Variants in KCNT1 observed in about 807,000 individuals in gnomAD.
The protein encoded by KCNT1 is potassium sodium-activated channel subfamily T member 1, also known as potassium channel subfamily T member 1.
In KCNT1, 78 loss-of-function variants were observed where a neutral mutation model predicts 147.8. The ratio of observed to expected loss-of-function variants is 0.53; its 90% CI spans 0.44 to 0.64. The LOEUF is 0.64. Among genes scored for constraint, KCNT1 ranks in the 30% least tolerant of loss-of-function variants. The pLI is 0.00. For missense variants in KCNT1, 1,419 were observed against 1,750.3 expected, an observed-to-expected ratio of 0.81 and a Z score of 3.38; for synonymous variants, 867 against 748.8, an observed-to-expected ratio of 1.16 and a Z score of -2.58.
At chr9:135,760,157 G>A (rs1831819051) in intron 11 of KCNT1, among the ~76,000 whole-genome samples, 1 of 152,154 alleles carries the variant, frequency 6.6e-6, no homozygotes. Flanking sequence ...CAGGCAGAGT[G>A]CAGGGAAGGG....
In KCNT1 at chr9:135,795,010, T is replaced by G. The variant is rs1451153155; in HGVS notation, c.*2849T>G. On this transcript the variant is annotated 3_prime_UTR_variant, in exon 31 of 31. Coordinates refer to ENST00000371757, the MANE Select transcript of KCNT1 (RefSeq NM_020822.3). ...CCTAAGAAGTCATCACTGCCTAGAA[T>G]AAGCGAAAAGAATTTTTTTTAATGT... 2.6e-5 allele frequency: 4 copies of G among 152,178 alleles called. No individual in the cohort carries two copies. The highest frequency in any genetic ancestry group is 7.2e-5 in the African/African-American group (3 of 41,422). The allele number at this position is 152,178 out of a possible 1,614,324, so 9.4% of individuals were successfully genotyped here.
At chr9:135,718,516 G>C (rs1237745601) in intron 2 of KCNT1, among the ~76,000 whole-genome samples, 1 of 152,210 alleles carries the variant, frequency 6.6e-6, no homozygotes, top group Non-Finnish European at 1.5e-5. Flanking sequence ...AGGGACCATC[G>C]TGGTGGCCTT....
intron 6 of KCNT1, among the ~76,000 whole-genome samples, chr9:135,755,593 G>A (rs1280975383): frequency 5.4e-5 from 6 of 111,166 alleles, no homozygotes; most frequent in East Asian, 3.0e-4. Context: ...AGGCTCAGTA[G>A]GCAGGGGACC....
chr9:135,771,587 G>A (rs940732829), intron 18 of KCNT1, among the ~76,000 whole-genome samples: 21 of 152,204 alleles, frequency 1.4e-4, no homozygotes, highest in African/African-American at 4.6e-4. Flanking sequence ...TCAAACAGTC[G>A]GGAGTCCTGA....
At chr9:135,702,600 G>C (rs1835076542) in intron 1 of KCNT1, among the ~76,000 whole-genome samples, 1 of 152,142 alleles carries the variant, frequency 6.6e-6, no homozygotes, top group South Asian at 2.1e-4. Flanking sequence ...ATCTGTCCTC[G>C]ACCTGGTAAG....
At chr9:135,773,161 G>A (rs1205228632) in intron 19 of KCNT1, among the ~76,000 whole-genome samples, 1 of 152,228 alleles carries the variant, frequency 6.6e-6, no homozygotes, top group Non-Finnish European at 1.5e-5. Flanking sequence ...GAGCACTTTT[G>A]AGTGTCACTG....
At chr9:135,757,407 G>T (rs1308890672) in intron 9 of KCNT1, 26 bp downstream of exon 9, 9 of 1,592,444 alleles carry the variant, frequency 5.7e-6, no homozygotes, top group Non-Finnish European at 7.7e-6. Context: ...GGGTGCAGCT[G>T]GGACTTGGGG....
intron 2 of KCNT1, among the ~76,000 whole-genome samples, chr9:135,726,823 TTC>T (rs1379200609): frequency 1.1e-5 from 1 of 94,536 alleles, no homozygotes; most frequent in Non-Finnish European, 2.1e-5. Context: ...CTCTTTCCCA[TTC>T]TCTCACTCTC....
intron 29 of KCNT1, chr9:135,789,457 A>C (rs2131594581): frequency 6.6e-6 from 1 of 152,476 alleles, no homozygotes; most frequent in African/African-American, 2.4e-5. Flanking sequence ...CCCATCCCAC[A>C]CACACAGCGG....
chr9:135,770,151 G>T, intron 16 of KCNT1, 96 bp downstream of exon 16: 1 of 1,386,560 alleles, frequency 7.2e-7, no homozygotes, highest in Non-Finnish European at 9.8e-7. Context: ...GGGCTTCCCA[G>T]AGGAGGGGCA....
rs1281401990 is a variant in KCNT1, at chr9:135,772,938, C to T, written c.2232C>T (p.Leu744=). The T allele has an allele frequency of 2.0e-6, 3 of 1,503,064 alleles. No homozygotes were observed. The highest frequency in any genetic ancestry group is 2.2e-5 in the Admixed American group (1 of 44,670). 93.1% of individuals were successfully genotyped at this position (1,503,064 alleles called of 1,614,324 possible). A position where few individuals can be genotyped will look rare whatever the true frequency, so the allele number is the denominator to read the frequency against. ...DEVTPSDDEG[L]SVVEYVKGYP... ...TGACGCCGTCGGACGACGAGGGGCT[C>T]TCCGTGGTAGAGTGAGTGCTGCCTT... is the stretch of plus-strand genomic sequence containing the variant. Residue 744 remains leucine, a synonymous_variant, in exon 19 of 31, where the codon CTC becomes CTT. Transcript: ENST00000371757.
At chr9:135,753,606 C>T (rs1351426121) in intron 4 of KCNT1, 2 of 426,308 alleles carry the variant, frequency 4.7e-6, no homozygotes, top group Admixed American at 3.8e-5. Flanking sequence ...AGCCTGTTGT[C>T]AGCACAGGCA....
intron 1 of KCNT1, among the ~76,000 whole-genome samples, chr9:135,713,186 T>C (rs1362654743): frequency 1.3e-5 from 2 of 152,044 alleles, no homozygotes; most frequent in Non-Finnish European, 2.9e-5. Context: ...AGGCACAAAA[T>C]CAAGAAAATA....
At chr9:135,777,584 GGCCCACC>G in intron 21 of KCNT1, 74 bp downstream of exon 21, 4 of 1,451,556 alleles carry the variant, frequency 2.8e-6, no homozygotes, top group Non-Finnish European at 2.8e-6. Context: ...TCCCCAACTG[GGCCCACC>G]CTTCGCCTTT....
intron 2 of KCNT1, among the ~76,000 whole-genome samples, chr9:135,749,221 G>A (rs111300052): frequency 1.1e-4 from 16 of 152,288 alleles, no homozygotes; most frequent in African/African-American, 1.7e-4. Flanking sequence ...GGCAGCAGCC[G>A]TCCACCCCCA....
chr9:135,758,208 G>A (rs1402670631), intron 9 of KCNT1, among the ~76,000 whole-genome samples: 6 of 147,872 alleles, frequency 4.1e-5, no homozygotes, highest in Non-Finnish European at 7.6e-5. Flanking sequence ...GGCCTCAGCC[G>A]AGACGCAGGT....
chr9:135,773,558 C>T (rs547678820), intron 19 of KCNT1, among the ~76,000 whole-genome samples: 1 of 152,396 alleles, frequency 6.6e-6, no homozygotes, highest in South Asian at 2.1e-4. Flanking sequence ...GGTTTGGGGC[C>T]AAGTCCTCCT....
chr9:135,742,752 A>T, intron 2 of KCNT1: 1 of 717,212 alleles, frequency 1.4e-6, no homozygotes, highest in Non-Finnish European at 2.6e-6. Flanking sequence ...ATTCTGGTTG[A>T]TGCCCCTCTG....
In KCNT1 at chr9:135,776,434, T is replaced by G. The variant is rs115397279; in HGVS notation, c.2350-904T>G. ...CACCACACCTGGCTAATTTTATTTATTTATTTATTTTTTGTAGTGATGGGG... is the reference window on the plus strand; with the variant it reads ...CACCACACCTGGCTAATTTTATTTAGTTATTTATTTTTTGTAGTGATGGGG... On this transcript the variant is annotated intron_variant, in intron 20 of 30. Transcript: ENST00000371757. Among the ~76,000 whole-genome samples, 851 of 152,140 alleles carry G rather than the reference T, an allele frequency of 5.6e-3. 8 individuals carry two copies. The highest frequency in any genetic ancestry group is 0.02 in the African/African-American group (826 of 41,486).
Sources: allele counts gnomAD v4.1 joint callset (sites outside exome capture counted in the v4.1 genomes callset), GRCh38; gene constraint gnomAD v4.1.1; transcripts MANE v1.5; gene names NCBI Gene and HGNC (gene_info 2026-07-23, HGNC 2026-07-21).